The following TAFA1 variants were observed in gnomAD, a reference collection of about 807,000 sequenced individuals.
TAFA1 encodes the protein TAFA chemokine like family member 1, also known as chemokine-like protein TAFA-1.
A neutral mutation model predicts 18.5 loss-of-function variants in TAFA1; 4 were observed. The observed-to-expected ratio is 0.22, with a 90% CI of 0.11 to 0.49. The LOEUF (loss-of-function observed/expected upper bound fraction) is 0.49, where lower values mean the gene tolerates loss of function less well. TAFA1 is among the 20% of genes least tolerant of loss of function. The probability of loss-of-function intolerance (pLI) is 0.98; values close to 1 mark genes in which losing one functional copy is unlikely to be tolerated. For synonymous variants in TAFA1, 56 were observed against 55.2 expected, an observed-to-expected ratio of 1.01 and a Z score of -0.06; for missense variants, 147 against 169.0, an observed-to-expected ratio of 0.87 and a Z score of 0.72.
chr3:68,380,281 G>A (rs144764315), intron 2 of TAFA1, among the ~76,000 whole-genome samples: 20 of 152,094 alleles, frequency 1.3e-4, no homozygotes, highest in African/African-American at 3.6e-4. Flanking sequence ...GGGTATATAC[G>A]CAGTAATGGG....
chr3:68,050,496 T>G lies in TAFA1; in HGVS notation c.118+43752T>G, dbSNP rs147477772. On this transcript the variant is annotated intron_variant, in intron 2 of 4. Transcript: ENST00000478136. ...CGTCTGCTATGGCACGTAATGATAC[T>G]TCACTGAGTTATTGAGAAGATTAAA... Among the ~76,000 whole-genome samples the G allele has an allele frequency of 5.3e-5, 8 of 152,270 alleles. No individual in the cohort carries two copies. In the East Asian group the frequency reaches 1.5e-3, roughly 29 times the overall value.
At chr3:68,345,413 A>G (rs1485020995) in intron 2 of TAFA1, among the ~76,000 whole-genome samples, 2 of 152,180 alleles carry the variant, frequency 1.3e-5, no homozygotes, top group African/African-American at 4.8e-5. Context: ...AACAGAATGC[A>G]ATTTCCAAAG....
chr3:68,072,779 C>T (rs115416888), intron 2 of TAFA1, among the ~76,000 whole-genome samples: 2,069 of 152,060 alleles, frequency 0.014, 51 homozygotes, highest in African/African-American at 0.047. Context: ...AGAGGGATGC[C>T]TACTGGCAGT....
intron 2 of TAFA1, among the ~76,000 whole-genome samples, chr3:68,012,115 C>A (rs1704484576): frequency 6.6e-6 from 1 of 152,140 alleles, no homozygotes; most frequent in African/African-American, 2.4e-5. Context: ...AACATTCTTT[C>A]AATTTTAAAC....
chr3:68,411,401 T>C (rs2070714448), intron 2 of TAFA1, among the ~76,000 whole-genome samples: 1 of 152,244 alleles, frequency 6.6e-6, no homozygotes, highest in African/African-American at 2.4e-5. Context: ...ATGGCAGATT[T>C]GTTATTCATT....
At chr3:68,195,727 T>A in intron 2 of TAFA1, among the ~76,000 whole-genome samples, 1 of 151,716 alleles carries the variant, frequency 6.6e-6, no homozygotes, top group East Asian at 2.0e-4. Context: ...CACGCTATGT[T>A]TGAATATATC....
In TAFA1 at chr3:68,387,769, A is replaced by T. The variant is rs2070136289; in HGVS notation, c.119-29511A>T. Among the ~76,000 whole-genome samples, 3 of 152,140 alleles carry T rather than the reference A, an allele frequency of 2.0e-5. 1 individual carries two copies. The South Asian group carries it at 6.2e-4, about 31-fold the overall frequency. On this transcript the variant is annotated intron_variant, in intron 2 of 4. Coordinates refer to ENST00000478136, the MANE Select transcript of TAFA1 (RefSeq NM_213609.4). The stretch of plus-strand genomic sequence containing the variant: ...GTAGTACATGTAGGCTCTAACAGGG[A>T]TACAAAAAACTGTTTTTCCCCCTTC...
At chr3:68,470,706 A>T (rs192203274) in intron 3 of TAFA1, among the ~76,000 whole-genome samples, 116 of 152,316 alleles carry the variant, frequency 7.6e-4, no homozygotes, top group African/African-American at 2.7e-3. Flanking sequence ...TGCATTCAAG[A>T]GGTGATTTAG....
intron 2 of TAFA1, among the ~76,000 whole-genome samples, chr3:68,151,665 A>G (rs2065808032): frequency 6.6e-6 from 1 of 152,190 alleles, no homozygotes; most frequent in African/African-American, 2.4e-5. Flanking sequence ...CCCACACCTA[A>G]GATAATTAAC....
At chr3:68,363,587 A>G (rs1252647483) in intron 2 of TAFA1, among the ~76,000 whole-genome samples, 2 of 152,286 alleles carry the variant, frequency 1.3e-5, no homozygotes, top group East Asian at 3.9e-4. Context: ...AGCCCAAGGC[A>G]TTTTTTAATT....
intron 3 of TAFA1, among the ~76,000 whole-genome samples, chr3:68,450,810 C>CTGT (rs2071556513): frequency 6.6e-6 from 1 of 152,122 alleles, no homozygotes; most frequent in Non-Finnish European, 1.5e-5. Flanking sequence ...GTAGTCATGT[C>CTGT]TGTAGTCATG....
chr3:68,480,295 T>A (rs1195079786), intron 3 of TAFA1, among the ~76,000 whole-genome samples: 5 of 151,370 alleles, frequency 3.3e-5, no homozygotes, highest in African/African-American at 7.3e-5. Flanking sequence ...CCCAGCTACT[T>A]GGGAGGCTGA....
intron 3 of TAFA1, among the ~76,000 whole-genome samples, chr3:68,473,356 A>T (rs2072036439): frequency 6.6e-6 from 1 of 152,176 alleles, no homozygotes; most frequent in African/African-American, 2.4e-5. Context: ...AGTGATTATT[A>T]TGTTGTGAAT....
At chr3:68,313,767 C>A (rs2068561316) in intron 2 of TAFA1, among the ~76,000 whole-genome samples, 1 of 152,158 alleles carries the variant, frequency 6.6e-6, no homozygotes, top group South Asian at 2.1e-4. Flanking sequence ...TGTTGTTTGC[C>A]TAAATCAATC....
chr3:68,091,652 CA>C (rs2065031044), intron 2 of TAFA1, among the ~76,000 whole-genome samples: 1 of 152,040 alleles, frequency 6.6e-6, no homozygotes, highest in East Asian at 1.9e-4. Context: ...TAAACCACTA[CA>C]AATGAATGAA....
At chr3:68,076,877 C>T (rs192846407) in intron 2 of TAFA1, among the ~76,000 whole-genome samples, 4,229 of 152,214 alleles carry the variant, frequency 0.028, 59 homozygotes, top group East Asian at 0.1. Context: ...CCCGAGGAAT[C>T]GCCACACTGA....
intron 2 of TAFA1, among the ~76,000 whole-genome samples, chr3:68,415,683 A>G (rs1211296860): frequency 6.8e-6 from 1 of 146,386 alleles, no homozygotes. Context: ...AAGTATATAC[A>G]GACTCTACCA....
intron 2 of TAFA1, among the ~76,000 whole-genome samples, chr3:68,127,097 T>C (rs1259741101): frequency 6.6e-6 from 1 of 152,196 alleles, no homozygotes; most frequent in Non-Finnish European, 1.5e-5. Flanking sequence ...TGTAAACTCA[T>C]GAATAATCTT....
intron 2 of TAFA1, among the ~76,000 whole-genome samples, chr3:68,414,746 A>G (rs988231831): frequency 1.3e-5 from 2 of 152,154 alleles, no homozygotes; most frequent in Admixed American, 1.3e-4. Flanking sequence ...TGTTGTCAGT[A>G]TTATTTAACT....
Sources: gnomAD v4.1 joint callset for allele counts (sites outside exome capture counted in the v4.1 genomes callset) on GRCh38, gnomAD v4.1.1 for gene constraint, MANE v1.5 for transcripts, NCBI Gene and HGNC (gene_info 2026-07-23, HGNC 2026-07-21) for gene names.